ZNF80: variants seen among roughly 807,000 people sequenced by gnomAD.
ZNF80 encodes ZNFPT17.
For missense variants in ZNF80, 394 were observed against 334.1 expected, an observed-to-expected ratio of 1.18 and a Z score of -1.40; for synonymous variants, 132 against 119.4, an observed-to-expected ratio of 1.11 and a Z score of -0.69.
rs563477788 is a variant in ZNF80 at position 114,236,521 on chromosome 3, C to A, written c.554G>T (p.Gly185Val). Residue 185 changes from glycine to valine, a missense_variant, in exon 1 of 1, where the codon GGA becomes GTA. Physicochemically the swap from Gly to Val is moderately radical, Grantham distance 109 (BLOSUM62 -3). Coordinates refer to ENST00000482457, the MANE Select transcript of ZNF80 (RefSeq NM_007136.4). ...CTCACTGCACTTGCAGGGCTTCTCTCCAGTGTGAATCTTCATGTGCCGGGT... is the reference window on the plus strand; with the variant it reads ...CTCACTGCACTTGCAGGGCTTCTCTACAGTGTGAATCTTCATGTGCCGGGT... ...SLTRHMKIHT[G>V]EKPCKCSECG... 4.3e-6 allele frequency: 7 copies of A among 1,614,230 alleles called. No homozygotes were observed. The highest frequency in any genetic ancestry group is 3.3e-5 in the Admixed American group (2 of 60,032).
Position 114,237,148 on chromosome 3 carries a change from G to C in ZNF80, c.-74C>G. On this transcript the variant is annotated 5_prime_UTR_variant, in exon 1 of 1. Transcript: ENST00000482457. ...CCCTTCTGCATTTCCAACTGTGTCC[G>C]GAATTGGTGGGTTCTTGGTCTCACT... is the stretch of plus-strand genomic sequence containing the variant. The C allele has an allele frequency of 7.4e-7, 1 of 1,358,366 alleles. No individual in the cohort carries two copies. Among genetic ancestry groups the C allele is most frequent in the African/African-American group, 1.5e-5 (1 of 68,406 alleles). The allele number at this position is 1,358,366 out of a possible 1,614,324, so 84.1% of individuals were successfully genotyped here. A position where few individuals can be genotyped will look rare whatever the true frequency, so the allele number is the denominator to read the frequency against.
rs374623532 is a variant in ZNF80, at chr3:114,237,033, C to T, written c.42G>A (p.Leu14=). The T allele has an allele frequency of 3.7e-5, 59 of 1,611,430 alleles. No homozygotes were observed. The highest frequency in any genetic ancestry group is 4.8e-5 in the Non-Finnish European group (56 of 1,178,570). ...CCTGCTCCTGTAAAACCTGTGAGTG[C>T]AGACCATCACCTGTCCCCAACCCAT... The part of the protein sequence containing the change: ...KRDGLGTGDG[L]HSQVLQEQVS... The change falls in exon 1 of 1, where the codon CTG becomes CTA. Residue 14 remains leucine (L), a synonymous_variant. Transcript: ENST00000482457.
Position 114,237,012 on chromosome 3 carries a change from C to G in ZNF80, c.63G>C (p.Glu21Asp). Reference protein sequence around the residue: ...GDGLHSQVLQEQVSTGDNLHE... With the variant: ...GDGLHSQVLQDQVSTGDNLHE... Reference sequence around the variant, plus strand: ...GGAGATTGTCTCCTGTGGAGACCTGCTCCTGTAAAACCTGTGAGTGCAGAC... The same window carrying G: ...GGAGATTGTCTCCTGTGGAGACCTGGTCCTGTAAAACCTGTGAGTGCAGAC... The change falls in exon 1 of 1, where the codon GAG becomes GAC. Residue 21 changes from glutamate (E) to aspartate (D), a missense_variant. By Grantham distance (45) the Glu-to-Asp change is conservative. Transcript: ENST00000482457. 6.2e-7 allele frequency: 1 copy of G among 1,613,672 alleles called. No homozygotes were observed. The highest frequency in any genetic ancestry group is 8.5e-7 in the Non-Finnish European group (1 of 1,179,732).
In ZNF80 at chr3:114,235,384, A is replaced by C. The variant is rs532240919; in HGVS notation, c.*869T>G. 1 of 152,376 alleles carries C rather than the reference A, an allele frequency of 6.6e-6. No individual in the cohort carries two copies. Among genetic ancestry groups the C allele is most frequent in the East Asian group, 1.9e-4 (1 of 5,190 alleles). 9.4% of individuals were successfully genotyped at this position (152,376 alleles called of 1,614,324 possible). The stretch of plus-strand genomic sequence containing the variant: ...AGTATATTGAGCACTGGGTGTTCAA[A>C]ACCACATGAAGAATTGTTTTTTGTT... On this transcript the variant is annotated 3_prime_UTR_variant, in exon 1 of 1. Transcript: ENST00000482457.
chr3:114,237,126 T>G lies in ZNF80; in HGVS notation c.-52A>C, dbSNP rs2078207947. ...AGACTGCAGCCAAACTCAAGTGCCC[T>G]TCTGCATTTCCAACTGTGTCCGGAA... is the stretch of plus-strand genomic sequence containing the variant. On this transcript the variant is annotated 5_prime_UTR_variant, in exon 1 of 1. Coordinates refer to ENST00000482457, the MANE Select transcript of ZNF80 (RefSeq NM_007136.4). The G allele has an allele frequency of 2.7e-6, 4 of 1,493,432 alleles. No individual in the cohort carries two copies. The highest frequency in any genetic ancestry group is 3.6e-6 in the Non-Finnish European group (4 of 1,101,624). 92.5% of individuals were successfully genotyped at this position (1,493,432 alleles called of 1,614,324 possible). A position where few individuals can be genotyped will look rare whatever the true frequency, so the allele number is the denominator to read the frequency against.
rs2078206408 is a variant in ZNF80, at chr3:114,236,898, G to A, written c.177C>T (p.Asn59=). 1 of 1,614,194 alleles carries A rather than the reference G, an allele frequency of 6.2e-7. No individual in the cohort carries two copies. The highest frequency in any genetic ancestry group is 1.1e-5 in the South Asian group (1 of 91,084). ...GATGTCGAACAAGGAGGCTGTTTTTGTTAAACACGCTCCCACATTCCTTGC... is the reference window on the plus strand; with the variant it reads ...GATGTCGAACAAGGAGGCTGTTTTTATTAAACACGCTCCCACATTCCTTGC... ...YKCKECGSVF[N]KNSLLVRHQQ... is the part of the protein sequence containing the mutation. Residue 59 remains asparagine (N), a synonymous_variant, in exon 1 of 1, where the codon AAC becomes AAT. Transcript: ENST00000482457.
At position 114,236,673 on chromosome 3, in the gene ZNF80, C is replaced by G; in HGVS notation, c.402G>C (p.Glu134Asp). 6.2e-7 allele frequency: 1 copy of G among 1,614,216 alleles called. No homozygotes were observed. ...RQIHTGEKPYECSECGKTFSY... is the reference protein window; with the variant it reads ...RQIHTGEKPYDCSECGKTFSY... The stretch of plus-strand genomic sequence containing the variant: ...TGAAGGTCTTTCCACACTCGCTGCA[C>G]TCATAGGGCTTCTCTCCAGTGTGAA... Residue 134 changes from glutamate to aspartate, a missense_variant, in exon 1 of 1, where the codon GAG (glutamate) becomes GAC (aspartate). By Grantham distance (45) the Glu-to-Asp change is conservative (BLOSUM62 2). Transcript: ENST00000482457.
Position 114,236,543 on chromosome 3 carries a change from G to C in ZNF80, c.532C>G (p.Arg178Gly). 8 of 1,614,084 alleles carry C rather than the reference G, an allele frequency of 5.0e-6. No individual in the cohort carries two copies. The highest frequency in any genetic ancestry group is 6.8e-6 in the Non-Finnish European group (8 of 1,180,018). ...KTFYYNSSLT[R>G]HMKIHTGEKP... The stretch of plus-strand genomic sequence containing the variant: ...TCTCCAGTGTGAATCTTCATGTGCC[G>C]GGTTAAGGAAGAGTTGTAGTAAAAG... Residue 178 changes from arginine to glycine, a missense_variant, in exon 1 of 1, where the codon CGG becomes GGG. By Grantham distance (125) the Arg-to-Gly change is moderately radical. Coordinates refer to ENST00000482457, the MANE Select transcript of ZNF80 (RefSeq NM_007136.4).
In ZNF80 at chr3:114,235,854, A is replaced by AT; in HGVS notation, c.*398_*399insA. 6.4e-6 allele frequency: 1 copy of AT among 156,794 alleles called. No individual in the cohort carries two copies. Among genetic ancestry groups the AT allele is most frequent in the Non-Finnish European group, 1.4e-5 (1 of 71,310 alleles). 9.7% of individuals were successfully genotyped at this position (156,794 alleles called of 1,614,324 possible). On this transcript the variant is annotated 3_prime_UTR_variant, in exon 1 of 1. Transcript: ENST00000482457. ...GTTCCCTTCTTACTTAAAAAAAAAAAATCCTGAAGTGGCTTAGTGATATAA... is the reference window on the plus strand; with the variant it reads ...GTTCCCTTCTTACTTAAAAAAAAAAATATCCTGAAGTGGCTTAGTGATATAA...
In ZNF80 at chr3:114,236,462, A is replaced by C; in HGVS notation, c.613T>G (p.Phe205Val). ...GCAGTGTGGGTCATACTATGTCGGAAGAAAACAGAGCGGTAGGTGAAGGTC... is the reference window on the plus strand; with the variant it reads ...GCAGTGTGGGTCATACTATGTCGGACGAAAACAGAGCGGTAGGTGAAGGTC... ...GKTFTYRSVF[F>V]RHSMTHTAGK... is the part of the protein sequence containing the mutation. The change falls in exon 1 of 1, where the codon TTC becomes GTC. Residue 205 changes from phenylalanine to valine, a missense_variant. By Grantham distance (50) the Phe-to-Val change is conservative. Transcript: ENST00000482457. The C allele has an allele frequency of 6.2e-7, 1 of 1,612,692 alleles. No homozygotes were observed. Among genetic ancestry groups the C allele is most frequent in the Non-Finnish European group, 8.5e-7 (1 of 1,178,868 alleles).
Position 114,234,699 on chromosome 3 carries a change from TA to T in ZNF80, c.*1553del, listed in dbSNP as rs2078193398. On this transcript the variant is annotated 3_prime_UTR_variant, in exon 1 of 1. Coordinates refer to ENST00000482457, the MANE Select transcript of ZNF80 (RefSeq NM_007136.4). Reference sequence around the variant, plus strand: ...TATTGCAAAAACAATAAATGCTTTTTATTTTTCAAACATAAACAATACTTAA... The same window carrying T: ...TATTGCAAAAACAATAAATGCTTTTTTTTTTCAAACATAAACAATACTTAA... 6.6e-6 allele frequency: 1 copy of T among 152,256 alleles called. No individual in the cohort carries two copies. The highest frequency in any genetic ancestry group is 2.4e-5 in the African/African-American group (1 of 41,472). The allele number at this position is 152,256 out of a possible 1,614,324, so 9.4% of individuals were successfully genotyped here.
rs1420910320 is a variant in ZNF80 at position 114,237,230 on chromosome 3, C to T, written c.-156G>A. On this transcript the variant is annotated 5_prime_UTR_variant, in exon 1 of 1. Coordinates refer to ENST00000482457, the MANE Select transcript of ZNF80 (RefSeq NM_007136.4). ...GTGAGTGTTACAGCTCTTAAGGTGGCGCGTCTAGAGTTTGTTCCTTCTGAT... is the reference window on the plus strand; with the variant it reads ...GTGAGTGTTACAGCTCTTAAGGTGGTGCGTCTAGAGTTTGTTCCTTCTGAT... The T allele has an allele frequency of 1.4e-5, 9 of 633,306 alleles. No individual in the cohort carries two copies. The highest frequency in any genetic ancestry group is 2.5e-5 in the Non-Finnish European group (9 of 365,566). 39.2% of individuals were successfully genotyped at this position (633,306 alleles called of 1,614,324 possible). A position where few individuals can be genotyped will look rare whatever the true frequency, so the allele number is the denominator to read the frequency against.
In ZNF80 at chr3:114,236,654, T is replaced by A; in HGVS notation, c.421A>T (p.Thr141Ser). ...KPYECSECGK[T>S]FSYHSVFIQH... is the part of the protein sequence containing the mutation. Reference sequence around the variant, plus strand: ...ATGAAGACAGAGTGATAGCTGAAGGTCTTTCCACACTCGCTGCACTCATAG... The same window carrying A: ...ATGAAGACAGAGTGATAGCTGAAGGACTTTCCACACTCGCTGCACTCATAG... The change falls in exon 1 of 1, where the codon ACC (threonine) becomes TCC (serine). Residue 141 changes from threonine (T) to serine (S), a missense_variant. By Grantham distance (58) the Thr-to-Ser change is moderately conservative. Coordinates refer to ENST00000482457, the MANE Select transcript of ZNF80 (RefSeq NM_007136.4). 1.2e-6 allele frequency: 2 copies of A among 1,614,042 alleles called. No individual in the cohort carries two copies. Among genetic ancestry groups the A allele is most frequent in the Non-Finnish European group, 8.5e-7 (1 of 1,180,006 alleles).
At position 114,236,449 on chromosome 3, in the gene ZNF80, A is replaced by G. The variant is rs1207191451; in HGVS notation, c.626T>C (p.Met209Thr). The G allele has an allele frequency of 3.7e-6, 6 of 1,612,528 alleles. No individual in the cohort carries two copies. The change falls in exon 1 of 1, where the codon ATG becomes ACG. Residue 209 changes from methionine to threonine, a missense_variant. Transcript: ENST00000482457. The stretch of plus-strand genomic sequence containing the variant: ...GTAGGGCTTTCCTGCAGTGTGGGTC[A>G]TACTATGTCGGAAGAAAACAGAGCG... The part of the protein sequence containing the change: ...TYRSVFFRHS[M>T]THTAGKPYEC...
Position 114,237,017 on chromosome 3 carries a change from G to C in ZNF80, c.58C>G (p.Gln20Glu), listed in dbSNP as rs139264162. The C allele has an allele frequency of 6.8e-6, 11 of 1,613,444 alleles. No homozygotes were observed. Among genetic ancestry groups the C allele is most frequent in the Non-Finnish European group, 9.3e-6 (11 of 1,179,610 alleles). Residue 20 changes from glutamine (Q) to glutamate (E), a missense_variant, in exon 1 of 1, where the codon CAG becomes GAG. Transcript: ENST00000482457. The stretch of plus-strand genomic sequence containing the variant: ...TTGTCTCCTGTGGAGACCTGCTCCT[G>C]TAAAACCTGTGAGTGCAGACCATCA... ...TGDGLHSQVLQEQVSTGDNLH... is the reference protein window; with the variant it reads ...TGDGLHSQVLEEQVSTGDNLH...
rs1344784819 is a variant in ZNF80 at position 114,237,288 on chromosome 3, C to T, written c.-214G>A. The T allele has an allele frequency of 3.6e-5, 17 of 476,212 alleles. 1 individual carries two copies. Among genetic ancestry groups the T allele is most frequent in the Middle Eastern group, 5.5e-4 (1 of 1,818 alleles). 29.5% of individuals were successfully genotyped at this position (476,212 alleles called of 1,614,324 possible). On this transcript the variant is annotated 5_prime_UTR_variant, in exon 1 of 1. Transcript: ENST00000482457. ...TGTGTTCGGAGTTTCTTCCTTCTGG[C>T]GGGTTCGTGGTCTCGCTGGCTCAGG...
Position 114,235,749 on chromosome 3 carries a change from T to C in ZNF80, c.*504A>G, listed in dbSNP as rs530882514. Reference sequence around the variant, plus strand: ...TTCAGCCATCTGCAAAATGAAGAACTGAATTCAAATTTTGATAGGCATGGC... The same window carrying C: ...TTCAGCCATCTGCAAAATGAAGAACCGAATTCAAATTTTGATAGGCATGGC... On this transcript the variant is annotated 3_prime_UTR_variant, in exon 1 of 1. Transcript: ENST00000482457. The C allele has an allele frequency of 6.5e-6, 1 of 153,100 alleles. No individual in the cohort carries two copies. Among genetic ancestry groups the C allele is most frequent in the South Asian group, 2.1e-4 (1 of 4,854 alleles). 9.5% of individuals were successfully genotyped at this position (153,100 alleles called of 1,614,324 possible).
rs1167119587 is a variant in ZNF80, at chr3:114,235,275, A to G, written c.*978T>C. ...GGCCAAAGAAGCTGAGAAAGCACAG[A>G]GGAAATAATCAAGGCTCACCTGGGA... is the stretch of plus-strand genomic sequence containing the variant. On this transcript the variant is annotated 3_prime_UTR_variant, in exon 1 of 1. Coordinates refer to ENST00000482457, the MANE Select transcript of ZNF80 (RefSeq NM_007136.4). 1 of 152,252 alleles carries G rather than the reference A, an allele frequency of 6.6e-6. No individual in the cohort carries two copies. Among genetic ancestry groups the G allele is most frequent in the Non-Finnish European group, 1.5e-5 (1 of 68,048 alleles). 9.4% of individuals were successfully genotyped at this position (152,252 alleles called of 1,614,324 possible).
chr3:114,236,045 A>T lies in ZNF80; in HGVS notation c.*208T>A. Reference sequence around the variant, plus strand: ...TCGCAGTTTAAGTTCTCTGACGTTGACTGATGTGGGCCCACTTGCAAAAGG... The same window carrying T: ...TCGCAGTTTAAGTTCTCTGACGTTGTCTGATGTGGGCCCACTTGCAAAAGG... On this transcript the variant is annotated 3_prime_UTR_variant, in exon 1 of 1. Coordinates refer to ENST00000482457, the MANE Select transcript of ZNF80 (RefSeq NM_007136.4). The T allele has an allele frequency of 2.3e-6, 1 of 437,986 alleles. No homozygotes were observed. Among genetic ancestry groups the T allele is most frequent in the Non-Finnish European group, 4.0e-6 (1 of 249,554 alleles). 27.1% of individuals were successfully genotyped at this position (437,986 alleles called of 1,614,324 possible). A position where few individuals can be genotyped will look rare whatever the true frequency, so the allele number is the denominator to read the frequency against.
Sources: allele counts gnomAD v4.1 joint callset, GRCh38; gene constraint gnomAD v4.1.1; transcripts MANE v1.5; gene names NCBI Gene and HGNC (gene_info 2026-07-23, HGNC 2026-07-21).